Variants in EXOSC6 observed in about 807,000 individuals in gnomAD.
EXOSC6 encodes the protein exosome component 6.
A neutral mutation model predicts 16.7 loss-of-function variants in EXOSC6; 21 were observed. That is an observed-to-expected ratio of 1.26 (90% CI 0.89 to 1.82). EXOSC6 has a LOEUF of 1.82. EXOSC6 is among the 40% of genes most tolerant of loss of function. EXOSC6 has a pLI of 0.00. For synonymous variants in EXOSC6, 297 were observed against 217.1 expected, an observed-to-expected ratio of 1.37 and a Z score of -3.24; for missense variants, 538 against 415.7, an observed-to-expected ratio of 1.29 and a Z score of -2.56.
Position 70,251,323 on chromosome 16 carries a change from G to A in EXOSC6, c.578C>T (p.Pro193Leu). ...CGLSLAPGPA[P>L]TWLLDPTRLE... ...CCGCGTGGGGTCCAGGAGCCAGGTG[G>A]GCGCGGGCCCCGGCGCGAGGCTGAG... The change falls in exon 1 of 1, where the codon CCC (proline) becomes CTC (leucine). Residue 193 changes from proline (P) to leucine (L), a missense_variant. Transcript: ENST00000435634. The A allele has an allele frequency of 7.2e-7, 1 of 1,383,440 alleles. No homozygotes were observed. Among genetic ancestry groups the A allele is most frequent in the Admixed American group, 3.5e-5 (1 of 28,698 alleles). The allele number at this position is 1,383,440 out of a possible 1,614,324, so 85.7% of individuals were successfully genotyped here. A position where few individuals can be genotyped will look rare whatever the true frequency, so the allele number is the denominator to read the frequency against.
rs1204598200 is a variant in EXOSC6, at chr16:70,248,152, T to C, written c.*2930A>G. The C allele has an allele frequency of 2.6e-5, 4 of 152,164 alleles. No individual in the cohort carries two copies. The highest frequency in any genetic ancestry group is 5.9e-5 in the Non-Finnish European group (4 of 68,026). The allele number at this position is 152,164 out of a possible 1,614,324, so 9.4% of individuals were successfully genotyped here. On this transcript the variant is annotated 3_prime_UTR_variant, in exon 1 of 1. Coordinates refer to ENST00000435634, the MANE Select transcript of EXOSC6 (RefSeq NM_058219.3). ...AATGCTAAAAATCATTTAAAAGACA[T>C]CTTAGGGGTAATTACAGAAATTTGA...
chr16:70,251,343 G>A lies in EXOSC6; in HGVS notation c.558C>T (p.Ser186=), dbSNP rs1031323781. Residue 186 remains serine (S), a synonymous_variant, in exon 1 of 1, where the codon AGC becomes AGT. Coordinates refer to ENST00000435634, the MANE Select transcript of EXOSC6 (RefSeq NM_058219.3). ...MYDLVVGCGL[S]LAPGPAPTWL... is the part of the protein sequence containing the mutation. ...AGGTGGGCGCGGGCCCCGGCGCGAG[G>A]CTGAGGCCGCAGCCCACCACCAGGT... 5.1e-5 allele frequency: 70 copies of A among 1,380,554 alleles called. No individual in the cohort carries two copies. Among genetic ancestry groups the A allele is most frequent in the Middle Eastern group, 4.9e-4 (2 of 4,068 alleles). 85.5% of individuals were successfully genotyped at this position (1,380,554 alleles called of 1,614,324 possible).
In EXOSC6 at chr16:70,249,604, A is replaced by T. The variant is rs1227269546; in HGVS notation, c.*1478T>A. 6.6e-6 allele frequency: 1 copy of T among 152,184 alleles called. No individual in the cohort carries two copies. The highest frequency in any genetic ancestry group is 2.4e-5 in the African/African-American group (1 of 41,436). The allele number at this position is 152,184 out of a possible 1,614,324, so 9.4% of individuals were successfully genotyped here. A position where few individuals can be genotyped will look rare whatever the true frequency, so the allele number is the denominator to read the frequency against. ...AATGTGAAGCACTCTTCTATCCGGCATTCCTAGTGGAGTTCCTATTTTCAA... is the reference window on the plus strand; with the variant it reads ...AATGTGAAGCACTCTTCTATCCGGCTTTCCTAGTGGAGTTCCTATTTTCAA... On this transcript the variant is annotated 3_prime_UTR_variant, in exon 1 of 1. Coordinates refer to ENST00000435634, the MANE Select transcript of EXOSC6 (RefSeq NM_058219.3).
At position 70,251,892 on chromosome 16, in the gene EXOSC6, C is replaced by A. The variant is rs758843378; in HGVS notation, c.9G>T (p.Gly3=). 20 of 1,539,684 alleles carry A rather than the reference C, an allele frequency of 1.3e-5. No individual in the cohort carries two copies. The highest frequency in any genetic ancestry group is 1.6e-5 in the Non-Finnish European group (18 of 1,153,484). The change falls in exon 1 of 1, where the codon GGG becomes GGT. Residue 3 remains glycine (G), a synonymous_variant. Coordinates refer to ENST00000435634, the MANE Select transcript of EXOSC6 (RefSeq NM_058219.3). ...CAGGGCCGCGGATGCGGCGGTGATCCCCAGGCATGGCGGTTCTTGGCGTGC... is the reference window on the plus strand; with the variant it reads ...CAGGGCCGCGGATGCGGCGGTGATCACCAGGCATGGCGGTTCTTGGCGTGC... MP[G]DHRRIRGPEE... is the part of the protein sequence containing the mutation.
In EXOSC6 at chr16:70,248,456, G is replaced by A. The variant is rs1959736323; in HGVS notation, c.*2626C>T. The stretch of plus-strand genomic sequence containing the variant: ...CTGGTGCATCTATCTTTCTATGAAT[G>A]TGAGAATTTTCACAAGAGCTGGGAA... On this transcript the variant is annotated 3_prime_UTR_variant, in exon 1 of 1. Transcript: ENST00000435634. 1 of 152,114 alleles carries A rather than the reference G, an allele frequency of 6.6e-6. No homozygotes were observed. The highest frequency in any genetic ancestry group is 6.6e-5 in the Admixed American group (1 of 15,254). 9.4% of individuals were successfully genotyped at this position (152,114 alleles called of 1,614,324 possible).
rs1959745817 is a variant in EXOSC6, at chr16:70,248,928, T to A, written c.*2154A>T. ...ACCATGCCCAGTTAAAAATACACTT[T>A]TTATTTAAAAAAAAAAGAGAACACT... is the stretch of plus-strand genomic sequence containing the variant. On this transcript the variant is annotated 3_prime_UTR_variant, in exon 1 of 1. Coordinates refer to ENST00000435634, the MANE Select transcript of EXOSC6 (RefSeq NM_058219.3). The A allele has an allele frequency of 6.7e-6, 1 of 150,266 alleles. No homozygotes were observed. 9.3% of individuals were successfully genotyped at this position (150,266 alleles called of 1,614,324 possible).
chr16:70,251,053 T>G lies in EXOSC6; in HGVS notation c.*29A>C, dbSNP rs746841607. On this transcript the variant is annotated 3_prime_UTR_variant, in exon 1 of 1. Transcript: ENST00000435634. ...GGACGGCGGCAGCACGGTCCTCGGC[T>G]TGCGTCCGTAGTTGCTCAGGCTTCT... is the stretch of plus-strand genomic sequence containing the variant. The G allele has an allele frequency of 1.4e-6, 2 of 1,445,938 alleles. No individual in the cohort carries two copies. The highest frequency in any genetic ancestry group is 1.8e-6 in the Non-Finnish European group (2 of 1,110,990). 89.6% of individuals were successfully genotyped at this position (1,445,938 alleles called of 1,614,324 possible).
rs1193094489 is a variant in EXOSC6, at chr16:70,250,852, TCCA to T, written c.*227_*229del. 7 of 457,912 alleles carry T rather than the reference TCCA, an allele frequency of 1.5e-5. No homozygotes were observed. The highest frequency in any genetic ancestry group is 6.1e-5 in the African/African-American group (3 of 49,040). 28.4% of individuals were successfully genotyped at this position (457,912 alleles called of 1,614,324 possible). A position where few individuals can be genotyped will look rare whatever the true frequency, so the allele number is the denominator to read the frequency against. On this transcript the variant is annotated 3_prime_UTR_variant, in exon 1 of 1. Transcript: ENST00000435634. ...GGTCCAGGTAATTTCAGGGTCCAGC[TCCA>T]CCACAAGCGCAGCTCCAGGGGCTGT...
At position 70,248,450 on chromosome 16, in the gene EXOSC6, A is replaced by G. The variant is rs1310604937; in HGVS notation, c.*2632T>C. The G allele has an allele frequency of 6.6e-6, 1 of 152,206 alleles. No homozygotes were observed. The highest frequency in any genetic ancestry group is 1.5e-5 in the Non-Finnish European group (1 of 68,044). The allele number at this position is 152,206 out of a possible 1,614,324, so 9.4% of individuals were successfully genotyped here. On this transcript the variant is annotated 3_prime_UTR_variant, in exon 1 of 1. Coordinates refer to ENST00000435634, the MANE Select transcript of EXOSC6 (RefSeq NM_058219.3). ...ATTTTACTGGTGCATCTATCTTTCT[A>G]TGAATGTGAGAATTTTCACAAGAGC...
Position 70,249,482 on chromosome 16 carries a change from ATTATC to A in EXOSC6, c.*1595_*1599del, listed in dbSNP as rs1182647749. The A allele has an allele frequency of 3.3e-5, 5 of 152,184 alleles. No homozygotes were observed. Among genetic ancestry groups the A allele is most frequent in the Non-Finnish European group, 7.3e-5 (5 of 68,028 alleles). 9.4% of individuals were successfully genotyped at this position (152,184 alleles called of 1,614,324 possible). A position where few individuals can be genotyped will look rare whatever the true frequency, so the allele number is the denominator to read the frequency against. The stretch of plus-strand genomic sequence containing the variant: ...TAGAGCTGGTATTCATTTACACATA[ATTATC>A]TTATACCGTTTGGAATAAGAATTTG... On this transcript the variant is annotated 3_prime_UTR_variant, in exon 1 of 1. Coordinates refer to ENST00000435634, the MANE Select transcript of EXOSC6 (RefSeq NM_058219.3).
In EXOSC6 at chr16:70,249,014, T is replaced by TAAAAAAAAAAA. The variant is rs34420744; in HGVS notation, c.*2057_*2067dup. 2.9e-5 allele frequency: 3 copies of TAAAAAAAAAAA among 103,374 alleles called. No individual in the cohort carries two copies. The highest frequency in any genetic ancestry group is 1.2e-4 in the African/African-American group (3 of 24,936). The allele number at this position is 103,374 out of a possible 1,614,324, so 6.4% of individuals were successfully genotyped here. A position where few individuals can be genotyped will look rare whatever the true frequency, so the allele number is the denominator to read the frequency against. ...CCAAAATAAAGCATATCAAAAACTG[T>TAAAAAAAAAAA]AAAAAAAAAAAAAAAAAACCCTAAT... is the stretch of plus-strand genomic sequence containing the variant. On this transcript the variant is annotated 3_prime_UTR_variant, in exon 1 of 1. Coordinates refer to ENST00000435634, the MANE Select transcript of EXOSC6 (RefSeq NM_058219.3).
chr16:70,251,298 C>T lies in EXOSC6; in HGVS notation c.603G>A (p.Arg201=). Residue 201 remains arginine (R), a synonymous_variant, in exon 1 of 1, where the codon CGG becomes CGA. Transcript: ENST00000435634. Reference sequence around the variant, plus strand: ...CGGCGGCGGCGCGCTCTTCCTCGAGCCGCGTGGGGTCCAGGAGCCAGGTGG... The same window carrying T: ...CGGCGGCGGCGCGCTCTTCCTCGAGTCGCGTGGGGTCCAGGAGCCAGGTGG... ...PAPTWLLDPT[R]LEEERAAAGL... The T allele has an allele frequency of 7.0e-7, 1 of 1,421,170 alleles. No homozygotes were observed. The highest frequency in any genetic ancestry group is 1.5e-5 in the South Asian group (1 of 68,218). The allele number at this position is 1,421,170 out of a possible 1,614,324, so 88.0% of individuals were successfully genotyped here. A position where few individuals can be genotyped will look rare whatever the true frequency, so the allele number is the denominator to read the frequency against.
rs1246206911 is a variant in EXOSC6 at position 70,249,944 on chromosome 16, C to G, written c.*1138G>C. ...CCAGCCTGGGCAACAGAGTGAGACTCTGTCTCAAAAAATAAATATAAAAAA... is the reference window on the plus strand; with the variant it reads ...CCAGCCTGGGCAACAGAGTGAGACTGTGTCTCAAAAAATAAATATAAAAAA... On this transcript the variant is annotated 3_prime_UTR_variant, in exon 1 of 1. Coordinates refer to ENST00000435634, the MANE Select transcript of EXOSC6 (RefSeq NM_058219.3). The G allele has an allele frequency of 6.6e-6, 1 of 152,028 alleles. No individual in the cohort carries two copies. Among genetic ancestry groups the G allele is most frequent in the East Asian group, 1.9e-4 (1 of 5,194 alleles). 9.4% of individuals were successfully genotyped at this position (152,028 alleles called of 1,614,324 possible). A position where few individuals can be genotyped will look rare whatever the true frequency, so the allele number is the denominator to read the frequency against.
At position 70,249,906 on chromosome 16, in the gene EXOSC6, G is replaced by A. The variant is rs1484430143; in HGVS notation, c.*1176C>T. The A allele has an allele frequency of 6.6e-6, 1 of 152,160 alleles. No homozygotes were observed. Among genetic ancestry groups the A allele is most frequent in the East Asian group, 1.9e-4 (1 of 5,168 alleles). 9.4% of individuals were successfully genotyped at this position (152,160 alleles called of 1,614,324 possible). On this transcript the variant is annotated 3_prime_UTR_variant, in exon 1 of 1. Transcript: ENST00000435634. ...GCGGAGGTTGCAGTGAGCTGAGATCGCGCCATTGCACTCCAGCCTGGGCAA... is the reference window on the plus strand; with the variant it reads ...GCGGAGGTTGCAGTGAGCTGAGATCACGCCATTGCACTCCAGCCTGGGCAA...
chr16:70,248,256 T>C lies in EXOSC6; in HGVS notation c.*2826A>G, dbSNP rs1959731644. Reference sequence around the variant, plus strand: ...CTTGTTATACAGAAGAAAAACCTTATTCTTGGGAGATGCAAACTAAAACAT... The same window carrying C: ...CTTGTTATACAGAAGAAAAACCTTACTCTTGGGAGATGCAAACTAAAACAT... On this transcript the variant is annotated 3_prime_UTR_variant, in exon 1 of 1. Coordinates refer to ENST00000435634, the MANE Select transcript of EXOSC6 (RefSeq NM_058219.3). The C allele has an allele frequency of 6.6e-6, 1 of 152,188 alleles. No individual in the cohort carries two copies. Among genetic ancestry groups the C allele is most frequent in the African/African-American group, 2.4e-5 (1 of 41,438 alleles). 9.4% of individuals were successfully genotyped at this position (152,188 alleles called of 1,614,324 possible).
At position 70,250,512 on chromosome 16, in the gene EXOSC6, T is replaced by TA. The variant is rs1959784137; in HGVS notation, c.*569dup. 1 of 150,418 alleles carries TA rather than the reference T, an allele frequency of 6.6e-6. No individual in the cohort carries two copies. The highest frequency in any genetic ancestry group is 6.6e-5 in the Admixed American group (1 of 15,116). The allele number at this position is 150,418 out of a possible 1,614,324, so 9.3% of individuals were successfully genotyped here. On this transcript the variant is annotated 3_prime_UTR_variant, in exon 1 of 1. Transcript: ENST00000435634. ...GGCGAAACCCCATCTCTACTAAAAA[T>TA]ACAAAAATTAGCCCGGTATGGAGGC...
At position 70,251,119 on chromosome 16, in the gene EXOSC6, C is replaced by T. The variant is rs772148824; in HGVS notation, c.782G>A (p.Arg261Gln). ...LYPVLQQSLV[R>Q]AARRRGAAAQ... ...GGCGGCGCCCCTGCGGCGGGCGGCC[C>T]GCACCAGGCTCTGCTGCAGCACGGG... The change falls in exon 1 of 1, where the codon CGG becomes CAG. Residue 261 changes from arginine to glutamine, a missense_variant. Arg to Gln is a conservative substitution (Grantham distance 43). Coordinates refer to ENST00000435634, the MANE Select transcript of EXOSC6 (RefSeq NM_058219.3). 1 of 1,512,320 alleles carries T rather than the reference C, an allele frequency of 6.6e-7. No individual in the cohort carries two copies. The highest frequency in any genetic ancestry group is 8.7e-7 in the Non-Finnish European group (1 of 1,142,934). The allele number at this position is 1,512,320 out of a possible 1,614,324, so 93.7% of individuals were successfully genotyped here.
chr16:70,251,690 G>C lies in EXOSC6; in HGVS notation c.211C>G (p.Gln71Glu). The change falls in exon 1 of 1, where the codon CAG (glutamine) becomes GAG (glutamate). Residue 71 changes from glutamine (Q) to glutamate (E), a missense_variant. Gln to Glu is a conservative substitution (Grantham distance 29). Transcript: ENST00000435634. ...CCGCCGCGCTCGCCGCCCTCGGCCT[G>C]TCGCGGGCCCGACACGGCACACAGC... The part of the protein sequence containing the change: ...KVLCAVSGPR[Q>E]AEGGERGGGP... 1.6e-6 allele frequency: 2 copies of C among 1,289,606 alleles called. No individual in the cohort carries two copies. The highest frequency in any genetic ancestry group is 9.8e-7 in the Non-Finnish European group (1 of 1,022,774). The allele number at this position is 1,289,606 out of a possible 1,614,324, so 79.9% of individuals were successfully genotyped here.
Position 70,249,771 on chromosome 16 carries a change from G to GAAACCCC in EXOSC6, c.*1304_*1310dup. On this transcript the variant is annotated 3_prime_UTR_variant, in exon 1 of 1. Coordinates refer to ENST00000435634, the MANE Select transcript of EXOSC6 (RefSeq NM_058219.3). Reference sequence around the variant, plus strand: ...TTGAGACCAGCTTGGCCAACATGATGAAACCCCATCTTCTCTAAAAATACA... The same window carrying GAAACCCC: ...TTGAGACCAGCTTGGCCAACATGATGAAACCCCAAACCCCATCTTCTCTAAAAATACA... The GAAACCCC allele has an allele frequency of 6.6e-6, 1 of 152,102 alleles. No individual in the cohort carries two copies. The highest frequency in any genetic ancestry group is 1.5e-5 in the Non-Finnish European group (1 of 68,032). 9.4% of individuals were successfully genotyped at this position (152,102 alleles called of 1,614,324 possible).
Sources: gnomAD v4.1 joint callset for allele counts on GRCh38, gnomAD v4.1.1 for gene constraint, MANE v1.5 for transcripts, NCBI Gene and HGNC (gene_info 2026-07-23, HGNC 2026-07-21) for gene names.